The following ADAM19 variants were observed in gnomAD, a reference collection of about 807,000 sequenced individuals.
ADAM19 encodes the protein ADAM metallopeptidase domain 19.
A neutral mutation model predicts 114.7 loss-of-function variants in ADAM19; 65 were observed. The ratio of observed to expected loss-of-function variants is 0.57; its 90% CI spans 0.46 to 0.70. The LOEUF (loss-of-function observed/expected upper bound fraction) is 0.70, where lower values mean the gene tolerates loss of function less well. ADAM19 is among the 30% of genes least tolerant of loss of function. The probability of loss-of-function intolerance (pLI) is 0.00; values close to 1 mark genes in which losing one functional copy is unlikely to be tolerated. For missense variants in ADAM19, 1,063 were observed against 1,204.7 expected (o/e 0.88, Z 1.74); for synonymous variants, 466 against 460.5 (o/e 1.01, Z -0.15).
intron 2 of ADAM19, 45 bp downstream of exon 2, chr5:157,570,850 A>C: frequency 6.5e-7 from 1 of 1,547,332 alleles, no homozygotes; most frequent in South Asian, 1.1e-5. Flanking sequence ...CCCAAACCTC[A>C]GTTGTCAACT....
chr5:157,531,817 T>C (rs1756633037), intron 4 of ADAM19, among the ~76,000 whole-genome samples: 1 of 151,964 alleles, frequency 6.6e-6, no homozygotes, highest in Non-Finnish European at 1.5e-5. Context: ...GGGCAGAGAC[T>C]GGAGTGATGA....
chr5:157,480,296 G>A lies in ADAM19; in HGVS notation c.*653C>T, dbSNP rs756951068. On this transcript the variant is annotated 3_prime_UTR_variant, in exon 23 of 23. Transcript: ENST00000257527. ...TCCTCCTGCTGTCTACACTGCCTAC[G>A]AATAGTACCTGTCTGAGTCAGAGTG... is the stretch of plus-strand genomic sequence containing the variant. 9 of 985,876 alleles carry A rather than the reference G, an allele frequency of 9.1e-6. No individual in the cohort carries two copies. The highest frequency in any genetic ancestry group is 1.1e-5 in the Non-Finnish European group (9 of 830,176). The allele number at this position is 985,876 out of a possible 1,614,324, so 61.1% of individuals were successfully genotyped here.
chr5:157,488,230 T>C lies in ADAM19; in HGVS notation c.2550+35A>G, dbSNP rs764912870. ...CCATTGAAAGTGGCCTTAAAAGCAA[T>C]GTTCCCAGCCCAAGGTTGCTGATTA... On this transcript the variant is annotated intron_variant, in intron 21 of 22. Coordinates refer to ENST00000257527, the MANE Select transcript of ADAM19 (RefSeq NM_033274.5). The C allele has an allele frequency of 4.4e-6, 7 of 1,590,208 alleles. No individual in the cohort carries two copies. In the African/African-American group the frequency reaches 6.7e-5, roughly 15 times the overall value.
chr5:157,518,926 G>T, intron 6 of ADAM19, 38 bp from the exon 7 acceptor site: 2 of 1,565,240 alleles, frequency 1.3e-6, no homozygotes, highest in Non-Finnish European at 1.8e-6. Flanking sequence ...TAGAAATAGT[G>T]GACTTGGCCT....
At chr5:157,515,327 T>A (rs1412994761) in intron 7 of ADAM19, among the ~76,000 whole-genome samples, 1 of 152,220 alleles carries the variant, frequency 6.6e-6, no homozygotes, top group Non-Finnish European at 1.5e-5. Context: ...CAGATTTCAT[T>A]GTCTTTCAAA....
chr5:157,548,849 G>T (rs918669827), intron 3 of ADAM19, among the ~76,000 whole-genome samples: 3 of 152,184 alleles, frequency 2.0e-5, no homozygotes, highest in African/African-American at 7.2e-5. Flanking sequence ...AATTTCCAGA[G>T]AGCCTAGATG....
intron 3 of ADAM19, among the ~76,000 whole-genome samples, chr5:157,551,987 C>T (rs902225038): frequency 6.6e-6 from 1 of 151,910 alleles, no homozygotes; most frequent in African/African-American, 2.4e-5. Flanking sequence ...ACTAAAAATA[C>T]AAAATGCAAA....
intron 5 of ADAM19, among the ~76,000 whole-genome samples, chr5:157,521,275 T>G (rs368507091): frequency 1.2e-4 from 19 of 152,328 alleles, no homozygotes; most frequent in African/African-American, 4.3e-4. Context: ...TAAAGGTATG[T>G]AATCAAGGCT....
At chr5:157,575,561 C>G in intron 1 of ADAM19, 42 bp downstream of exon 1, 2 of 1,412,084 alleles carry the variant, frequency 1.4e-6, no homozygotes, top group Non-Finnish European at 1.9e-6. Context: ...TCCCAGGTCT[C>G]CGGGCCACCC....
At chr5:157,482,391 GA>G (rs1475850985) in intron 21 of ADAM19, among the ~76,000 whole-genome samples, 1 of 152,208 alleles carries the variant, frequency 6.6e-6, no homozygotes, top group African/African-American at 2.4e-5. Flanking sequence ...TTGCTGTGCA[GA>G]AGCTCTTTAG....
chr5:157,492,949 A>G, intron 16 of ADAM19, 24 bp downstream of exon 16: 1 of 1,612,648 alleles, frequency 6.2e-7, no homozygotes, highest in Non-Finnish European at 8.5e-7. Context: ...GCTGGCTCCT[A>G]GGTGAGCAGG....
At chr5:157,517,194 C>T (rs539452581) in intron 7 of ADAM19, among the ~76,000 whole-genome samples, 26 of 152,320 alleles carry the variant, frequency 1.7e-4, no homozygotes, top group Non-Finnish European at 3.2e-4. Context: ...CTCCCCACCA[C>T]CAGGCCCTGC....
chr5:157,507,261 C>T (rs1755773917), intron 9 of ADAM19, 121 bp from the exon 10 acceptor site: 1 of 922,292 alleles, frequency 1.1e-6, no homozygotes, highest in African/African-American at 1.6e-5. Context: ...AGGTCATTCC[C>T]AAGGGGAGAG....
intron 6 of ADAM19, among the ~76,000 whole-genome samples, chr5:157,519,578 C>A (rs1290515921): frequency 1.3e-5 from 2 of 152,230 alleles, no homozygotes; most frequent in Non-Finnish European, 2.9e-5. Flanking sequence ...AGCCATGGCG[C>A]CCAGCCTTCT....
chr5:157,490,348 C>T lies in ADAM19; in HGVS notation c.2202G>A (p.Lys734=), dbSNP rs139122167. The change falls in exon 19 of 23, where the codon AAG becomes AAA. Residue 734 remains lysine (K), a synonymous_variant. Transcript: ENST00000257527. ...TCAGCTTGGAAGGGAGAGCTGAGGG[C>T]TTGAGTTGGCCTAGTTTGTTGTTCT... The part of the protein sequence containing the change: ...CRQNNKLGQL[K]PSALPSKLRQ... The T allele has an allele frequency of 8.3e-4, 1,337 of 1,614,088 alleles. 1 individual carries two copies. The highest frequency in any genetic ancestry group is 9.8e-4 in the Non-Finnish European group (1,154 of 1,180,028).
At chr5:157,513,412 C>T in intron 8 of ADAM19, 22 bp downstream of exon 8, 2 of 1,612,788 alleles carry the variant, frequency 1.2e-6, no homozygotes, top group East Asian at 2.2e-5. Flanking sequence ...ACCTTTCCCA[C>T]AAAGTACACA....
intron 3 of ADAM19, among the ~76,000 whole-genome samples, chr5:157,553,156 A>C (rs1249865360): frequency 6.6e-6 from 1 of 152,222 alleles, no homozygotes; most frequent in Non-Finnish European, 1.5e-5. Flanking sequence ...TAATAATTTA[A>C]CTATACATTT....
chr5:157,518,709 A>G (rs906665111), intron 7 of ADAM19, 114 bp downstream of exon 7: 1 of 944,190 alleles, frequency 1.1e-6, no homozygotes, highest in Non-Finnish European at 1.7e-6. Flanking sequence ...GGTCAAAATC[A>G]TAGATGAACT....
intron 15 of ADAM19, among the ~76,000 whole-genome samples, chr5:157,493,608 T>G (rs894364792): frequency 1.1e-4 from 17 of 152,138 alleles, no homozygotes; most frequent in African/African-American, 4.1e-4. Context: ...TCTTATTATC[T>G]ATCTACCTTA....
Sources: allele counts gnomAD v4.1 joint callset (sites outside exome capture counted in the v4.1 genomes callset), GRCh38; gene constraint gnomAD v4.1.1; transcripts MANE v1.5; gene names NCBI Gene and HGNC (gene_info 2026-07-23, HGNC 2026-07-21).